The following FRMPD4 variants were observed in gnomAD, a reference collection of about 807,000 sequenced individuals.
The protein encoded by FRMPD4 is FERM and PDZ domain containing 4, also known as FERM and PDZ domain-containing protein 4.
In FRMPD4, 22 loss-of-function variants were observed where a neutral mutation model predicts 94.1. The observed-to-expected ratio is 0.23, with a 90% confidence interval of 0.17 to 0.33. The LOEUF is 0.33. FRMPD4 is among the 10% of genes least tolerant of loss of function. The probability of loss-of-function intolerance (pLI) is 1.00; values close to 1 mark genes in which losing one functional copy is unlikely to be tolerated. For missense variants in FRMPD4, 1,111 were observed against 1,339.9 expected (o/e 0.83, Z 2.67); for synonymous variants, 631 against 548.6 (o/e 1.15, Z -2.10).
intron 3 of FRMPD4, among the ~76,000 whole-genome samples, chrX:12,030,970 A>G (rs147082795): frequency 5.0e-3 from 566 of 112,255 alleles, no homozygotes; most frequent in Non-Finnish European, 7.5e-3. Context: ...AATATCTACC[A>G]TAATGTCTGT....
At position 12,254,707 on chromosome X, in the gene FRMPD4, C is replaced by T. The variant is rs750979707; in HGVS notation, c.41+115695C>T. Among the ~76,000 whole-genome samples, 38 of 112,004 alleles carry T rather than the reference C, an allele frequency of 3.4e-4. No homozygotes were observed. In the South Asian group the frequency reaches 4.2e-3, roughly 12 times the overall value. On this transcript the variant is annotated intron_variant, in intron 1 of 16. Coordinates refer to ENST00000675598, the MANE Select transcript of FRMPD4 (RefSeq NM_001368397.1). ...TGATAATATCACCAACAATTATTTA[C>T]GCAAGGCTTTTATTTAGCCAATCTG...
chrX:12,316,755 A>G (rs1177940713), intron 1 of FRMPD4, among the ~76,000 whole-genome samples: 3 of 109,575 alleles, frequency 2.7e-5, no homozygotes, highest in African/African-American at 6.7e-5. Flanking sequence ...AACAAAACCC[A>G]GAGTTGTTTT....
chrX:12,495,911 C>T (rs1047324815), intron 1 of FRMPD4, among the ~76,000 whole-genome samples: 4 of 111,201 alleles, frequency 3.6e-5, no homozygotes, highest in Non-Finnish European at 7.5e-5. Flanking sequence ...GGGATTCCAA[C>T]GTGCAGTAAG....
intron 1 of FRMPD4, among the ~76,000 whole-genome samples, chrX:12,375,526 G>T (rs2056224478): frequency 8.9e-6 from 1 of 112,465 alleles, no homozygotes; most frequent in African/African-American, 3.2e-5. Flanking sequence ...TCCTTCTCAT[G>T]CTTCCAGTCC....
intron 1 of FRMPD4, among the ~76,000 whole-genome samples, chrX:12,244,040 G>C (rs2053920122): frequency 9.1e-6 from 1 of 110,077 alleles, no homozygotes; most frequent in African/African-American, 3.3e-5. Flanking sequence ...AAATGATCCT[G>C]TTAAGTTGCC....
chrX:12,246,756 C>T (rs2147803029), intron 1 of FRMPD4, among the ~76,000 whole-genome samples: 1 of 110,367 alleles, frequency 9.1e-6, no homozygotes, highest in African/African-American at 3.3e-5. Flanking sequence ...CATTTTTTAG[C>T]ACATTTTAGT....
At chrX:12,065,366 G>A (rs1290764026) in intron 3 of FRMPD4, among the ~76,000 whole-genome samples, 3 of 111,945 alleles carry the variant, frequency 2.7e-5, no homozygotes, top group Non-Finnish European at 3.8e-5. Context: ...TCCAGCCAAC[G>A]CCAAACAGTG....
At chrX:12,049,807 T>C (rs1346251764) in intron 3 of FRMPD4, among the ~76,000 whole-genome samples, 1 of 111,365 alleles carries the variant, frequency 9.0e-6, no homozygotes, top group African/African-American at 3.3e-5. Flanking sequence ...AAGACAATGA[T>C]AGTGATGATT....
chrX:11,879,449 A>C lies in FRMPD4; in HGVS notation c.95+1431A>C, dbSNP rs56395346. ...AAGTAAGTAATAAAAGAGGTAAGAA[A>C]TATTTTAAATCAAAATACTAGGCCA... On this transcript the variant is annotated intron_variant, in intron 3 of 18. Transcript: ENST00000640291. 1.9e-3 allele frequency among the ~76,000 whole-genome samples: 212 copies of C among 111,139 alleles called. 2 individuals carry two copies. Among genetic ancestry groups the C allele is most frequent in the African/African-American group, 6.7e-3 (205 of 30,667 alleles).
At chrX:12,405,442 T>C (rs971601579) in intron 1 of FRMPD4, among the ~76,000 whole-genome samples, 1 of 111,231 alleles carries the variant, frequency 9.0e-6, no homozygotes, top group African/African-American at 3.3e-5. Context: ...TGAGATGTTT[T>C]GATACAGGCA....
intron 2 of FRMPD4, among the ~76,000 whole-genome samples, chrX:12,567,776 G>C (rs889649493): frequency 9.0e-6 from 1 of 111,241 alleles, no homozygotes; most frequent in African/African-American, 3.3e-5. Flanking sequence ...TGATGGTAGA[G>C]AGGACAGTTT....
intron 2 of FRMPD4, among the ~76,000 whole-genome samples, chrX:12,517,130 T>G (rs2058107490): frequency 9.0e-6 from 1 of 110,537 alleles, no homozygotes; most frequent in Non-Finnish European, 1.9e-5. Flanking sequence ...ATTCTTAGCT[T>G]CTTTGTATTG....
chrX:12,096,031 T>C (rs1385125562), intron 3 of FRMPD4, among the ~76,000 whole-genome samples: 2 of 112,290 alleles, frequency 1.8e-5, no homozygotes, highest in African/African-American at 3.2e-5. Context: ...GCTAATAAGC[T>C]TCACAAGGGC....
At chrX:12,510,907 T>C (rs1401497460) in intron 2 of FRMPD4, among the ~76,000 whole-genome samples, 1 of 111,653 alleles carries the variant, frequency 9.0e-6, no homozygotes, top group Non-Finnish European at 1.9e-5. Context: ...GTGGCCTTCT[T>C]TGGAAGCTGC....
At chrX:12,275,089 A>G (rs996821923) in intron 1 of FRMPD4, among the ~76,000 whole-genome samples, 1 of 112,196 alleles carries the variant, frequency 8.9e-6, no homozygotes. Context: ...CCCCACCCAA[A>G]TTTCATGTTG....
At chrX:12,178,717 G>T (rs1211995499) in intron 1 of FRMPD4, among the ~76,000 whole-genome samples, 1 of 111,954 alleles carries the variant, frequency 8.9e-6, no homozygotes, top group African/African-American at 3.3e-5. Flanking sequence ...GAAGGCATAA[G>T]AGTTCGTAAT....
At chrX:12,662,496 C>G (rs1436903471) in intron 4 of FRMPD4, among the ~76,000 whole-genome samples, 1 of 111,734 alleles carries the variant, frequency 8.9e-6, no homozygotes, top group Non-Finnish European at 1.9e-5. Context: ...ATGATTGTTT[C>G]CAGCTTCATC....
intron 1 of FRMPD4, among the ~76,000 whole-genome samples, chrX:12,179,774 A>G (rs1444014379): frequency 1.8e-5 from 2 of 111,604 alleles, no homozygotes; most frequent in Middle Eastern, 4.7e-3. Flanking sequence ...GAGGGATTTT[A>G]TTATGTTTAA....
chrX:12,600,817 C>T (rs2059078410), intron 2 of FRMPD4, among the ~76,000 whole-genome samples: 2 of 112,116 alleles, frequency 1.8e-5, no homozygotes, highest in African/African-American at 3.2e-5. Context: ...TCATAGGATT[C>T]TAAGAATTGT....
Sources: allele counts gnomAD v4.1 joint callset (sites outside exome capture counted in the v4.1 genomes callset), GRCh38; gene constraint gnomAD v4.1.1; transcripts MANE v1.5; gene names NCBI Gene and HGNC (gene_info 2026-07-23, HGNC 2026-07-21).